Variants in DYNC2H1 observed in about 807,000 individuals in gnomAD.
The protein encoded by DYNC2H1 is cytoplasmic dynein 2 heavy chain 1.
Under a neutral mutation model 570.0 loss-of-function variants are expected in DYNC2H1, and 410 were observed. The observed-to-expected ratio is 0.72, with a 90% CI of 0.66 to 0.78. The LOEUF (loss-of-function observed/expected upper bound fraction) is 0.78, where lower values mean the gene tolerates loss of function less well. Among genes scored for constraint, DYNC2H1 ranks in the 30% least tolerant of loss-of-function variants. DYNC2H1 has a pLI of 0.00. For missense variants in DYNC2H1, 4,865 were observed against 5,046.4 expected (o/e 0.96, Z 1.09); for synonymous variants, 1,688 against 1,677.6 (o/e 1.01, Z -0.15).
intron 78 of DYNC2H1, among the ~76,000 whole-genome samples, chr11:103,310,021 A>C (rs1414656639): frequency 6.6e-6 from 1 of 152,100 alleles, no homozygotes; most frequent in Non-Finnish European, 1.5e-5. Context: ...TGTGTAGTTC[A>C]TTGAGATGTT....
rs1945008655 is a variant in DYNC2H1, at chr11:103,461,470, A to G, written c.12648+5114A>G. On this transcript the variant is annotated intron_variant, in intron 87 of 88. Coordinates refer to ENST00000375735, the MANE Select transcript of DYNC2H1 (RefSeq NM_001377.3). The surrounding 1 kb of genome is among the most constrained non-coding windows in gnomAD (Gnocchi z 4.8). Reference sequence around the variant, plus strand: ...CTAAAATTCCTGCCATTATTGATCTATTATGTGTTAAATAGTACTTGAAAA... The same window carrying G: ...CTAAAATTCCTGCCATTATTGATCTGTTATGTGTTAAATAGTACTTGAAAA... Among the ~76,000 whole-genome samples, 1 of 147,822 alleles carries G rather than the reference A, an allele frequency of 6.8e-6. No homozygotes were observed. The highest frequency in any genetic ancestry group is 6.6e-5 in the Admixed American group (1 of 15,120).
At chr11:103,400,005 T>G in intron 84 of DYNC2H1, 133 bp downstream of exon 84, 3 of 662,750 alleles carry the variant, frequency 4.5e-6, no homozygotes, top group Non-Finnish European at 7.3e-6. Flanking sequence ...CATATAAAAA[T>G]TAATTGACTG....
At chr11:103,426,717 T>C (rs1715342292) in intron 84 of DYNC2H1, among the ~76,000 whole-genome samples, 1 of 152,204 alleles carries the variant, frequency 6.6e-6, no homozygotes, top group Non-Finnish European at 1.5e-5. Context: ...GCTAATTTAG[T>C]ATCAAAAATA....
chr11:103,109,547 C>T lies in DYNC2H1; in HGVS notation c.-28C>T. On this transcript the variant is annotated 5_prime_UTR_variant, in exon 1 of 89. Transcript: ENST00000375735. The stretch of plus-strand genomic sequence containing the variant: ...CTGGTTTCTTCTTCCTTCCCCCTTC[C>T]CCCAACTTCCCTCCACCCCTTCCAA... 6.2e-7 allele frequency: 1 copy of T among 1,606,444 alleles called. No individual in the cohort carries two copies. Among genetic ancestry groups the T allele is most frequent in the South Asian group, 1.1e-5 (1 of 90,044 alleles).
chr11:103,330,415 CTCTTA>C (rs1358855768), intron 82 of DYNC2H1, among the ~76,000 whole-genome samples: 3 of 151,310 alleles, frequency 2.0e-5, no homozygotes, highest in African/African-American at 7.3e-5. Flanking sequence ...AATTATACTT[CTCTTA>C]TAACTTCAGA....
intron 83 of DYNC2H1, 62 bp from the exon 84 acceptor site, chr11:103,399,601 G>A (rs1403851430): frequency 8.6e-6 from 10 of 1,160,614 alleles, no homozygotes; most frequent in Non-Finnish European, 1.2e-5. Context: ...AAGTTTCAAA[G>A]CGTTTTATAT....
In DYNC2H1 at chr11:103,204,951, G is replaced by A; in HGVS notation, c.8441G>A (p.Ser2814Asn). 6.3e-7 allele frequency: 1 copy of A among 1,580,040 alleles called. No individual in the cohort carries two copies. Among genetic ancestry groups the A allele is most frequent in the Non-Finnish European group, 8.6e-7 (1 of 1,162,628 alleles). Residue 2814 changes from serine (S) to asparagine (N), a missense_variant, in exon 52 of 89, where the codon AGC becomes AAC. Transcript: ENST00000375735. This position sits in a 1 kb window ranked among gnomAD's most constrained non-coding sequence, Gnocchi z 4.1. ...QVLWMEGWSN[S>N]SMKKIPEMLF... ...TTGTGGATGGAGGGTTGGTCCAATA[G>A]CAGTATGAAGAAAGTAAGTTTAACA...
At position 103,151,276 on chromosome 11, in the gene DYNC2H1, A is replaced by G. The variant is rs1860522927; in HGVS notation, c.2947-860A>G. ...ACCATGCCCAGTTAATTTTTAAAAT[A>G]TATTTTTTTAGAGATGCGTTCTCAC... On this transcript the variant is annotated intron_variant, in intron 20 of 88. Coordinates refer to ENST00000375735, the MANE Select transcript of DYNC2H1 (RefSeq NM_001377.3). This position sits in a 1 kb window ranked among gnomAD's most constrained non-coding sequence, Gnocchi z 4.6. 6.6e-6 allele frequency among the ~76,000 whole-genome samples: 1 copy of G among 152,018 alleles called. No individual in the cohort carries two copies. The highest frequency in any genetic ancestry group is 2.1e-4 in the South Asian group (1 of 4,810).
intron 84 of DYNC2H1, 105 bp from the exon 85 acceptor site, chr11:103,435,838 A>G (rs955851102): frequency 1.1e-6 from 1 of 877,038 alleles, no homozygotes; most frequent in African/African-American, 1.7e-5. Flanking sequence ...TTTCATATGT[A>G]TATGTGAATT....
chr11:103,238,491 A>T (rs964901198), intron 63 of DYNC2H1, among the ~76,000 whole-genome samples: 1 of 151,806 alleles, frequency 6.6e-6, no homozygotes, highest in Non-Finnish European at 1.5e-5. Context: ...ATTGCTTGAA[A>T]CTGGGAGGCA....
At chr11:103,451,726 C>T (rs1944612446) in intron 85 of DYNC2H1, among the ~76,000 whole-genome samples, 1 of 152,088 alleles carries the variant, frequency 6.6e-6, no homozygotes, top group Non-Finnish European at 1.5e-5. Flanking sequence ...GTCCATGTTG[C>T]AACCCTTAGC....
chr11:103,451,534 T>G (rs1300808106), intron 85 of DYNC2H1, among the ~76,000 whole-genome samples: 1 of 152,114 alleles, frequency 6.6e-6, no homozygotes, highest in Non-Finnish European at 1.5e-5. Context: ...GGTTTTGCCA[T>G]GTTGGCCAGG....
At position 103,171,080 on chromosome 11, in the gene DYNC2H1, G is replaced by C; in HGVS notation, c.5334+12G>C. 6.5e-7 allele frequency: 1 copy of C among 1,546,108 alleles called. No homozygotes were observed. Among genetic ancestry groups the C allele is most frequent in the Non-Finnish European group, 8.8e-7 (1 of 1,138,748 alleles). ...TGCTTGGCAAGGAGGTATAGAATAT[G>C]TTGGGAATTTAAAGAATTAAAATAT... On this transcript the variant is annotated intron_variant, in intron 34 of 88. Transcript: ENST00000375735.
At chr11:103,476,751 G>A (rs749307609) in intron 88 of DYNC2H1, among the ~76,000 whole-genome samples, 4 of 151,872 alleles carry the variant, frequency 2.6e-5, no homozygotes, top group South Asian at 2.1e-4. Context: ...GTGTGTGGGC[G>A]GCGGAGGGAG....
chr11:103,280,240 G>A lies in DYNC2H1; in HGVS notation c.10696-108G>A. On this transcript the variant is annotated intron_variant, in intron 70 of 88. Transcript: ENST00000375735. This position sits in a 1 kb window ranked among gnomAD's most constrained non-coding sequence, Gnocchi z 4.7. The stretch of plus-strand genomic sequence containing the variant: ...ATTTCTTACATCGATAAAAAAGTAG[G>A]TCATATGAAGACAGAATAGAGATTT... The A allele has an allele frequency of 9.8e-7, 1 of 1,021,428 alleles. No individual in the cohort carries two copies. The highest frequency in any genetic ancestry group is 1.5e-6 in the Non-Finnish European group (1 of 682,674). The allele number at this position is 1,021,428 out of a possible 1,614,324, so 63.3% of individuals were successfully genotyped here.
chr11:103,204,039 A>G lies in DYNC2H1; in HGVS notation c.8311+263A>G, dbSNP rs1862827726. ...GGTTTATTGGACTCACAGTTCCCAC[A>G]TGGCTGGGGAGGCCTCACAATCATG... On this transcript the variant is annotated intron_variant, in intron 51 of 88. Coordinates refer to ENST00000375735, the MANE Select transcript of DYNC2H1 (RefSeq NM_001377.3). The surrounding 1 kb of genome is among the most constrained non-coding windows in gnomAD (Gnocchi z 4.1). Among the ~76,000 whole-genome samples, 2 of 152,120 alleles carry G rather than the reference A, an allele frequency of 1.3e-5. No homozygotes were observed. The highest frequency in any genetic ancestry group is 4.8e-5 in the African/African-American group (2 of 41,438).
intron 84 of DYNC2H1, among the ~76,000 whole-genome samples, chr11:103,415,876 A>G (rs1014098174): frequency 6.6e-5 from 10 of 152,228 alleles, no homozygotes; most frequent in African/African-American, 9.6e-5. Flanking sequence ...CACTATTCAC[A>G]ATAGTAAAGA....
At chr11:103,348,352 G>A (rs1939861870) in intron 82 of DYNC2H1, among the ~76,000 whole-genome samples, 1 of 151,992 alleles carries the variant, frequency 6.6e-6, no homozygotes, top group Non-Finnish European at 1.5e-5. Context: ...GTATATTTTG[G>A]TAATTTTTGA....
At chr11:103,455,076 C>A in intron 85 of DYNC2H1, 110 bp from the exon 86 acceptor site, 2 of 674,796 alleles carry the variant, frequency 3.0e-6, no homozygotes, top group Non-Finnish European at 4.9e-6. Flanking sequence ...TTCTAGCTAC[C>A]ATTTCAGAGC....
Sources: allele counts gnomAD v4.1 joint callset (sites outside exome capture counted in the v4.1 genomes callset), GRCh38; gene constraint gnomAD v4.1.1; non-coding constraint Gnocchi (gnomAD v3.1); transcripts MANE v1.5; gene names NCBI Gene and HGNC (gene_info 2026-07-23, HGNC 2026-07-21).